The following RASIP1 variants were observed in gnomAD, a reference collection of about 807,000 sequenced individuals.
RASIP1 encodes the protein ras-interacting protein 1.
Under a neutral mutation model 85.3 loss-of-function variants are expected in RASIP1, and 20 were observed. That is an observed-to-expected ratio of 0.23 (90% CI 0.17 to 0.34). The LOEUF is 0.34. Among genes scored for constraint, RASIP1 ranks in the 10% least tolerant of loss-of-function variants. The pLI is 1.00. For synonymous variants in RASIP1, 617 were observed against 647.1 expected (o/e 0.95, Z 0.71); for missense variants, 1,170 against 1,390.9 (o/e 0.84, Z 2.53).
chr19:48,734,318 A>C (rs1348348933), intron 4 of RASIP1, among the ~76,000 whole-genome samples: 2 of 151,772 alleles, frequency 1.3e-5, no homozygotes, highest in Admixed American at 1.3e-4. Context: ...TATTAAAAAA[A>C]TTTATTTTGG....
chr19:48,723,336 C>A (rs1469545524), intron 10 of RASIP1, among the ~76,000 whole-genome samples: 3 of 152,102 alleles, frequency 2.0e-5, no homozygotes, highest in African/African-American at 7.2e-5. Flanking sequence ...GAGGCAGGCG[C>A]ATCCCCTGAG....
Position 48,739,252 on chromosome 19 carries a change from G to A in RASIP1, c.531C>T (p.Ala177=). 6.8e-7 allele frequency: 1 copy of A among 1,473,394 alleles called. No individual in the cohort carries two copies. Among genetic ancestry groups the A allele is most frequent in the Admixed American group, 2.5e-5 (1 of 40,756 alleles). The allele number at this position is 1,473,394 out of a possible 1,614,324, so 91.3% of individuals were successfully genotyped here. A position where few individuals can be genotyped will look rare whatever the true frequency, so the allele number is the denominator to read the frequency against. The change falls in exon 3 of 12, where the codon GCC becomes GCT. Residue 177 remains alanine (A), a synonymous_variant. Coordinates refer to ENST00000222145, the MANE Select transcript of RASIP1 (RefSeq NM_017805.3). This position sits in a 1 kb window ranked among gnomAD's most constrained non-coding sequence, Gnocchi z 9.2. ...CTAGGCCGTAGCGCTCTAGCGCCTC[G>A]GCCACGAGCTCGCGCGCCGTGGAGC... ...TARSTARELV[A]EALERYGLAG...
chr19:48,729,620 C>T, intron 4 of RASIP1, 30 bp from the exon 5 acceptor site: 1 of 1,541,360 alleles, frequency 6.5e-7, no homozygotes, highest in Non-Finnish European at 8.8e-7. Context: ...GCACTAAGGA[C>T]ATCACTTCAA....
chr19:48,739,112 T>C lies in RASIP1; in HGVS notation c.671A>G (p.Glu224Gly). Residue 224 changes from glutamate (E) to glycine (G), a missense_variant, in exon 3 of 12, where the codon GAG becomes GGG. Coordinates refer to ENST00000222145, the MANE Select transcript of RASIP1 (RefSeq NM_017805.3). The surrounding 1 kb of genome is among the most constrained non-coding windows in gnomAD (Gnocchi z 9.2). ...AGVGSGEWRA[E>G]HLRVLGDSER... ...GGAGTCGCCCAGCACGCGCAGGTGC[T>C]CCGCCCGCCACTCGCCGCTTCCCAC... 1 of 1,329,280 alleles carries C rather than the reference T, an allele frequency of 7.5e-7. No individual in the cohort carries two copies. Among genetic ancestry groups the C allele is most frequent in the Non-Finnish European group, 9.6e-7 (1 of 1,045,870 alleles). 82.3% of individuals were successfully genotyped at this position (1,329,280 alleles called of 1,614,324 possible).
Position 48,720,627 on chromosome 19 carries a change from T to G in RASIP1, c.*171A>C. On this transcript the variant is annotated 3_prime_UTR_variant, in exon 12 of 12. Coordinates refer to ENST00000222145, the MANE Select transcript of RASIP1 (RefSeq NM_017805.3). ...CCTTTATTGCTCCCTGGCATTCACA[T>G]CCTAAGCCCATGCTCCCACCGTCCC... 1 of 706,236 alleles carries G rather than the reference T, an allele frequency of 1.4e-6. No individual in the cohort carries two copies. The highest frequency in any genetic ancestry group is 2.6e-5 in the East Asian group (1 of 39,214). The allele number at this position is 706,236 out of a possible 1,614,324, so 43.7% of individuals were successfully genotyped here.
intron 11 of RASIP1, 84 bp downstream of exon 11, chr19:48,721,770 T>G (rs1251218888): frequency 2.7e-6 from 4 of 1,482,122 alleles, no homozygotes; most frequent in Non-Finnish European, 3.6e-6. Flanking sequence ...GCCATTGCAC[T>G]CCAGCCTGAG....
Position 48,740,568 on chromosome 19 carries a change from G to C in RASIP1, c.-52C>G. On this transcript the variant is annotated 5_prime_UTR_variant, in exon 1 of 12. Transcript: ENST00000222145. This position sits in a 1 kb window ranked among gnomAD's most constrained non-coding sequence, Gnocchi z 5.5. Reference sequence around the variant, plus strand: ...CGGAGGCCCTGGCTCCACTGGCCTGGGTCAGTTCCACTGCTCTTGCCTCTG... The same window carrying C: ...CGGAGGCCCTGGCTCCACTGGCCTGCGTCAGTTCCACTGCTCTTGCCTCTG... The C allele has an allele frequency of 7.2e-7, 1 of 1,390,898 alleles. No homozygotes were observed. Among genetic ancestry groups the C allele is most frequent in the South Asian group, 1.7e-5 (1 of 58,750 alleles). 86.2% of individuals were successfully genotyped at this position (1,390,898 alleles called of 1,614,324 possible).
intron 8 of RASIP1, 99 bp downstream of exon 8, chr19:48,726,686 A>T (rs1170328024): frequency 2.2e-6 from 2 of 924,096 alleles, no homozygotes; most frequent in East Asian, 5.0e-5. Context: ...CACACAGTGT[A>T]GTTCAAACAA....
chr19:48,735,344 T>C lies in RASIP1; in HGVS notation c.1031A>G (p.Gln344Arg), dbSNP rs1467874828. The C allele has an allele frequency of 1.2e-6, 2 of 1,613,428 alleles. No individual in the cohort carries two copies. The highest frequency in any genetic ancestry group is 1.7e-6 in the Non-Finnish European group (2 of 1,179,860). Residue 344 changes from glutamine to arginine, a missense_variant, in exon 4 of 12, where the codon CAG becomes CGG. Physicochemically the swap from Gln to Arg is conservative, Grantham distance 43. Coordinates refer to ENST00000222145, the MANE Select transcript of RASIP1 (RefSeq NM_017805.3). Reference protein sequence around the residue: ...GRRRRQQERRQQALSMAPGAA... With the variant: ...GRRRRQQERRRQALSMAPGAA... ...CCCTGGGGCCATGCTAAGTGCCTGC[T>C]GTCTCCGCTCCTGCTGCCGCCGCCG...
chr19:48,737,644 CG>C, intron 3 of RASIP1: 7 of 985,372 alleles, frequency 7.1e-6, no homozygotes, highest in Non-Finnish European at 8.4e-6. Flanking sequence ...CTGCAGGTGT[CG>C]CCCCCTTCTA....
chr19:48,733,612 G>A (rs2033503050), intron 4 of RASIP1, among the ~76,000 whole-genome samples: 2 of 152,060 alleles, frequency 1.3e-5, no homozygotes, highest in South Asian at 4.2e-4. Context: ...TCAGAGACCA[G>A]CCTGGCCAAC....
At chr19:48,723,605 T>C (rs1415234468) in intron 10 of RASIP1, among the ~76,000 whole-genome samples, 1 of 150,710 alleles carries the variant, frequency 6.6e-6, no homozygotes, top group Admixed American at 6.6e-5. Context: ...TCAAGCGACC[T>C]GTCCTACCTG....
At chr19:48,733,963 T>G (rs1339901417) in intron 4 of RASIP1, among the ~76,000 whole-genome samples, 1 of 152,018 alleles carries the variant, frequency 6.6e-6, no homozygotes, top group Non-Finnish European at 1.5e-5. Flanking sequence ...GAAATAGATA[T>G]TTCCAAGGGG....
At chr19:48,730,397 T>C (rs2033434054) in intron 4 of RASIP1, among the ~76,000 whole-genome samples, 1 of 151,682 alleles carries the variant, frequency 6.6e-6, no homozygotes, top group Non-Finnish European at 1.5e-5. Flanking sequence ...CTCTTGACCT[T>C]GTGATCCGCC....
Position 48,729,525 on chromosome 19 carries a change from G to A in RASIP1, c.1245C>T (p.Gly415=), listed in dbSNP as rs763699345. The change falls in exon 5 of 12, where the codon GGC becomes GGT. Residue 415 remains glycine, a synonymous_variant. Coordinates refer to ENST00000222145, the MANE Select transcript of RASIP1 (RefSeq NM_017805.3). ...HVFGRGGNSS[G]RGGSPAPYVD... Reference sequence around the variant, plus strand: ...CATAGGGAGCCGGGGACCCCCCGCGGCCAGACGAGTTCCCACCTCGCCCAA... The same window carrying A: ...CATAGGGAGCCGGGGACCCCCCGCGACCAGACGAGTTCCCACCTCGCCCAA... 6.3e-7 allele frequency: 1 copy of A among 1,599,994 alleles called. No individual in the cohort carries two copies. Among genetic ancestry groups the A allele is most frequent in the Non-Finnish European group, 8.5e-7 (1 of 1,173,884 alleles).
chr19:48,731,263 CAG>C (rs2033452723), intron 4 of RASIP1, among the ~76,000 whole-genome samples: 1 of 151,986 alleles, frequency 6.6e-6, no homozygotes, highest in East Asian at 1.9e-4. Flanking sequence ...ACCCCCCTAA[CAG>C]AGGATTTCAA....
At chr19:48,725,562 G>C (rs746179926) in intron 8 of RASIP1, 1 of 152,518 alleles carries the variant, frequency 6.6e-6, no homozygotes, top group South Asian at 2.0e-4. Flanking sequence ...CCAAGAAGTG[G>C]TGTTAAGGTC....
At chr19:48,726,644 G>A (rs1254852009) in intron 8 of RASIP1, 141 bp downstream of exon 8, 14 of 697,086 alleles carry the variant, frequency 2.0e-5, no homozygotes, top group Non-Finnish European at 3.0e-5. Flanking sequence ...GAGAAAAGCA[G>A]AAAATCTTGA....
chr19:48,727,338 C>T lies in RASIP1; in HGVS notation c.1871+55G>A, dbSNP rs371067218. The T allele has an allele frequency of 1.3e-4, 215 of 1,593,486 alleles. No individual in the cohort carries two copies. The African/African-American group carries it at 1.9e-3, about 14-fold the overall frequency. On this transcript the variant is annotated intron_variant, in intron 6 of 11. Coordinates refer to ENST00000222145, the MANE Select transcript of RASIP1 (RefSeq NM_017805.3). ...TGCATGGGGTGAACACAGAACTAGA[C>T]GCAAAACCCAACCCCTGCATCCCTC...
Sources: allele counts gnomAD v4.1 joint callset (sites outside exome capture counted in the v4.1 genomes callset), GRCh38; gene constraint gnomAD v4.1.1; non-coding constraint Gnocchi (gnomAD v3.1); transcripts MANE v1.5; gene names NCBI Gene and HGNC (gene_info 2026-07-23, HGNC 2026-07-21).